The following SUMF1 variants were observed in gnomAD, a reference collection of about 807,000 sequenced individuals.
The protein encoded by SUMF1 is formylglycine-generating enzyme.
Under a neutral mutation model 47.6 loss-of-function variants are expected in SUMF1, and 48 were observed. That is an observed-to-expected ratio of 1.01 (90% confidence interval 0.80 to 1.28). The LOEUF (loss-of-function observed/expected upper bound fraction) is 1.28, where lower values mean the gene tolerates loss of function less well. Ranked by LOEUF, SUMF1 falls within the 50% of genes most tolerant of loss-of-function variation. SUMF1 has a pLI of 0.00. For synonymous variants in SUMF1, 230 were observed against 192.1 expected, an observed-to-expected ratio of 1.20 and a Z score of -1.63; for missense variants, 571 against 485.4, an observed-to-expected ratio of 1.18 and a Z score of -1.66.
chr3:4,053,929 A>C (rs1022911375), intron 9 of SUMF1, among the ~76,000 whole-genome samples: 1 of 152,196 alleles, frequency 6.6e-6, no homozygotes, highest in African/African-American at 2.4e-5. Context: ...AAGTTTTATC[A>C]TAATTACTGG....
intron 8 of SUMF1, among the ~76,000 whole-genome samples, chr3:4,216,044 A>T (rs1317740563): frequency 6.6e-6 from 1 of 152,178 alleles, no homozygotes; most frequent in Non-Finnish European, 1.5e-5. Context: ...AAACTACCTT[A>T]AACTTCATAT....
chr3:4,186,578 A>G (rs17040132), intron 8 of SUMF1, among the ~76,000 whole-genome samples: 2,450 of 152,094 alleles, frequency 0.016, 73 homozygotes, highest in African/African-American at 0.057. Context: ...GCATTACTCT[A>G]CTCTCCCTTA....
At chr3:4,086,872 C>A (rs1341820419) in intron 8 of SUMF1, among the ~76,000 whole-genome samples, 1 of 152,018 alleles carries the variant, frequency 6.6e-6, no homozygotes, top group Non-Finnish European at 1.5e-5. Flanking sequence ...TGTCTGCTGC[C>A]ACATAAGACA....
chr3:4,377,878 C>CG (rs1339316835), intron 7 of SUMF1, among the ~76,000 whole-genome samples: 3 of 152,136 alleles, frequency 2.0e-5, no homozygotes, highest in African/African-American at 7.2e-5. Context: ...CGCAAGAGGC[C>CG]GGGACAACCC....
intron 8 of SUMF1, among the ~76,000 whole-genome samples, chr3:4,213,476 C>T (rs894051907): frequency 6.6e-6 from 1 of 152,122 alleles, no homozygotes; most frequent in Non-Finnish European, 1.5e-5. Flanking sequence ...ATATAAAGAC[C>T]ATCAACACTA....
intron 8 of SUMF1, among the ~76,000 whole-genome samples, chr3:4,305,373 A>G (rs540031523): frequency 6.6e-6 from 1 of 152,170 alleles, no homozygotes; most frequent in Non-Finnish European, 1.5e-5. Context: ...GACGTGAGCC[A>G]CCGCACCCGG....
intron 3 of SUMF1, among the ~76,000 whole-genome samples, chr3:4,429,963 T>C (rs1702183734): frequency 6.6e-6 from 1 of 152,218 alleles, no homozygotes; most frequent in South Asian, 2.1e-4. Flanking sequence ...TTAAAGGATT[T>C]TAAAAGTATG....
intron 8 of SUMF1, among the ~76,000 whole-genome samples, chr3:4,224,396 G>A (rs974134185): frequency 6.6e-6 from 1 of 151,998 alleles, no homozygotes; most frequent in East Asian, 1.9e-4. Flanking sequence ...GCATATTTTG[G>A]TGGCAAGTTT....
At chr3:4,394,690 A>G (rs1700985213) in intron 7 of SUMF1, among the ~76,000 whole-genome samples, 1 of 152,168 alleles carries the variant, frequency 6.6e-6, no homozygotes, top group South Asian at 2.1e-4. Context: ...AAGAGTAGCA[A>G]TAGCCATAGT....
intron 8 of SUMF1, among the ~76,000 whole-genome samples, chr3:4,094,684 G>A (rs1031244860): frequency 7.9e-5 from 12 of 152,090 alleles, no homozygotes; most frequent in African/African-American, 2.9e-4. Context: ...TTATGGTGAA[G>A]GGGTGCCAGC....
intron 8 of SUMF1, among the ~76,000 whole-genome samples, chr3:4,105,112 A>G (rs1377087615): frequency 6.6e-6 from 1 of 152,150 alleles, no homozygotes; most frequent in East Asian, 1.9e-4. Flanking sequence ...GGACATGATA[A>G]GTGAAATAAG....
At chr3:4,326,511 T>A (rs924340955) in intron 8 of SUMF1, among the ~76,000 whole-genome samples, 1 of 148,204 alleles carries the variant, frequency 6.7e-6, no homozygotes, top group African/African-American at 2.6e-5. Context: ...ACAAGGCCAG[T>A]TTTTCCAAGG....
Position 4,417,128 on chromosome 3 carries a change from A to G in SUMF1, c.840T>C (p.Pro280=), listed in dbSNP as rs1435083804. The change falls in exon 6 of 9, where the codon CCT becomes CCC. Residue 280 remains proline (P), a splice_region_variant and synonymous_variant. Coordinates refer to ENST00000272902, the MANE Select transcript of SUMF1 (RefSeq NM_182760.4). ...CTCCTGCAGAGGTCTCATTACTCAC[A>G]GGCGCAGTTCCTTGGAAGCCATCCT... ...TGEDGFQGTA[P]VDAFPPNGYG... 8 of 1,613,644 alleles carry G rather than the reference A, an allele frequency of 5.0e-6. No individual in the cohort carries two copies.
chr3:4,392,611 GTGTGTATATA>G lies in SUMF1; in HGVS notation c.955-16232_955-16223del, dbSNP rs1240998839. 7.9e-3 allele frequency among the ~76,000 whole-genome samples: 1,007 copies of G among 127,726 alleles called. 4 individuals carry two copies. The highest frequency in any genetic ancestry group is 0.023 in the African/African-American group (685 of 29,436). 83.8% of individuals were successfully genotyped at this position (127,726 alleles called of 152,430 possible). A position where few individuals can be genotyped will look rare whatever the true frequency, so the allele number is the denominator to read the frequency against. On this transcript the variant is annotated intron_variant, in intron 7 of 8. Coordinates refer to ENST00000272902, the MANE Select transcript of SUMF1 (RefSeq NM_182760.4). ...GATATATATGTGTGTGTGTGTGTGTGTGTGTATATATATATATATATATATATATCTACCT... is the reference window on the plus strand; with the variant it reads ...GATATATATGTGTGTGTGTGTGTGTGTATATATATATATATATATCTACCT...
rs189062885 is a variant in SUMF1 at position 4,106,641 on chromosome 3, G to A, written c.1015-37896C>T. Among the ~76,000 whole-genome samples, 337 of 152,204 alleles carry A rather than the reference G, an allele frequency of 2.2e-3. 6 individuals are homozygous for A. Among genetic ancestry groups the A allele is most frequent in the Non-Finnish European group, 5.7e-4 (39 of 68,012 alleles). On this transcript the variant is annotated intron_variant and NMD_transcript_variant, in intron 8 of 12. Coordinates refer to the SUMF1 transcript ENST00000448413. ...AAACTTGAAGGCAACAGGAAAAGTA[G>A]AAGCCGAATAATCCACAAAGTAGTC... is the stretch of plus-strand genomic sequence containing the variant.
Position 4,284,779 on chromosome 3 carries a change from G to C in SUMF1, c.1014+91551C>G, listed in dbSNP as rs1697599534. Among the ~76,000 whole-genome samples the C allele has an allele frequency of 1.3e-5, 2 of 152,172 alleles. 1 individual carries two copies. The highest frequency in any genetic ancestry group is 4.2e-4 in the South Asian group (2 of 4,816). Reference sequence around the variant, plus strand: ...CCCAAAATATAAAGAAGCATGGGGGGTAATTTGTTATTTGGGATTATCTGT... The same window carrying C: ...CCCAAAATATAAAGAAGCATGGGGGCTAATTTGTTATTTGGGATTATCTGT... On this transcript the variant is annotated intron_variant and NMD_transcript_variant, in intron 8 of 12. Transcript: ENST00000448413.
intron 8 of SUMF1, among the ~76,000 whole-genome samples, chr3:4,141,503 A>G (rs1694069822): frequency 6.6e-6 from 1 of 152,072 alleles, no homozygotes; most frequent in Non-Finnish European, 1.5e-5. Context: ...TTATTCATCA[A>G]GGGTCATTTA....
chr3:4,252,250 A>G (rs947308490), intron 8 of SUMF1, among the ~76,000 whole-genome samples: 2 of 152,170 alleles, frequency 1.3e-5, no homozygotes, highest in African/African-American at 2.4e-5. Flanking sequence ...CATGAGCTAC[A>G]TAAGTGTCAT....
At chr3:4,400,565 G>A (rs190887858) in intron 7 of SUMF1, among the ~76,000 whole-genome samples, 2 of 152,186 alleles carry the variant, frequency 1.3e-5, no homozygotes, top group Non-Finnish European at 2.9e-5. Context: ...AATGCTGAAG[G>A]GGAAAGGATT....
Sources: gnomAD v4.1 joint callset for allele counts (sites outside exome capture counted in the v4.1 genomes callset) on GRCh38, gnomAD v4.1.1 for gene constraint, MANE v1.5 for transcripts, NCBI Gene and HGNC (gene_info 2026-07-23, HGNC 2026-07-21) for gene names.